The following IL1RAPL2 variants were observed in gnomAD, a reference collection of about 807,000 sequenced individuals.
IL1RAPL2 encodes interleukin 1 receptor accessory protein like 2.
IL1RAPL2 carries 3 observed loss-of-function variants against 44.1 expected under a neutral mutation model. The observed-to-expected ratio is 0.07, with a 90% CI of 0.03 to 0.18. The LOEUF (loss-of-function observed/expected upper bound fraction) is 0.18, where lower values mean the gene tolerates loss of function less well. Among genes scored for constraint, IL1RAPL2 ranks in the 10% least tolerant of loss-of-function variants. The pLI is 1.00. For missense variants in IL1RAPL2, 391 were observed against 496.4 expected, an observed-to-expected ratio of 0.79 and a Z score of 2.02; for synonymous variants, 181 against 178.8, an observed-to-expected ratio of 1.01 and a Z score of -0.10.
intron 1 of IL1RAPL2, among the ~76,000 whole-genome samples, chrX:104,609,561 T>A (rs1281876231): frequency 8.9e-6 from 1 of 112,352 alleles, no homozygotes; most frequent in African/African-American, 3.2e-5. Flanking sequence ...TTCATTCTTT[T>A]TTCTCCAACC....
At position 105,522,117 on chromosome X, in the gene IL1RAPL2, T is replaced by C. The variant is rs190267549; in HGVS notation, c.772+37730T>C. 2.1e-4 allele frequency among the ~76,000 whole-genome samples: 23 copies of C among 111,843 alleles called. No individual in the cohort carries two copies. The Admixed American group carries it at 2.2e-3, about 11-fold the overall frequency. On this transcript the variant is annotated intron_variant, in intron 6 of 10. Coordinates refer to ENST00000372582, the MANE Select transcript of IL1RAPL2 (RefSeq NM_017416.2). ...AGTGAATTTTAATTGAATCCAACCC[T>C]GGACCTCAAGAGTTGGAGGCTTTAT...
Position 104,922,413 on chromosome X carries a change from A to C in IL1RAPL2, c.82+263418A>C, listed in dbSNP as rs139431632. On this transcript the variant is annotated intron_variant, in intron 2 of 10. Transcript: ENST00000372582. ...AATCTAATGTAATCGCTGCTGAAAG[A>C]AGCACACAGTGCTGGGAAATGAGAT... Among the ~76,000 whole-genome samples the C allele has an allele frequency of 6.4e-3, 721 of 112,739 alleles. 2 individuals are homozygous for C. The highest frequency in any genetic ancestry group is 9.3e-3 in the Middle Eastern group (2 of 215).
intron 2 of IL1RAPL2, among the ~76,000 whole-genome samples, chrX:104,816,787 G>T (rs1014375615): frequency 8.9e-6 from 1 of 111,850 alleles, no homozygotes; most frequent in African/African-American, 3.2e-5. Flanking sequence ...ACCCTAAACA[G>T]TTACTTAACC....
intron 1 of IL1RAPL2, among the ~76,000 whole-genome samples, chrX:104,620,147 A>G (rs1338700470): frequency 9.0e-6 from 1 of 111,024 alleles, no homozygotes; most frequent in Admixed American, 9.7e-5. Flanking sequence ...GTGAGGGACA[A>G]TGGGAAACTA....
intron 4 of IL1RAPL2, among the ~76,000 whole-genome samples, chrX:105,261,083 C>T (rs886822712): frequency 9.0e-6 from 1 of 111,307 alleles, no homozygotes; most frequent in Non-Finnish European, 1.9e-5. Context: ...TCTGCCAAGG[C>T]TCCACATAGC....
intron 3 of IL1RAPL2, among the ~76,000 whole-genome samples, chrX:105,206,121 A>G (rs1271119003): frequency 9.0e-6 from 1 of 111,328 alleles, no homozygotes; most frequent in East Asian, 2.8e-4. Context: ...ACTGAGAGAG[A>G]AGACCTGGAG....
chrX:105,381,915 C>T lies in IL1RAPL2; in HGVS notation c.698-102398C>T, dbSNP rs943670995. The stretch of plus-strand genomic sequence containing the variant: ...TGGTGCTGGGAAAACTGGCTAGCCA[C>T]ATGTAGAAAGCTGAAACTGGATCCC... On this transcript the variant is annotated intron_variant, in intron 5 of 10. Transcript: ENST00000372582. Among the ~76,000 whole-genome samples the T allele has an allele frequency of 8.9e-5, 10 of 111,732 alleles. No homozygotes were observed. In the South Asian group the frequency reaches 2.6e-3, roughly 29 times the overall value.
intron 6 of IL1RAPL2, among the ~76,000 whole-genome samples, chrX:105,598,036 C>G (rs141682698): frequency 0.032 from 3,479 of 110,416 alleles, 154 homozygotes; most frequent in African/African-American, 0.11. Context: ...TTTACAATAG[C>G]CAAGATATAA....
rs927064140 is a variant in IL1RAPL2 at position 105,288,257 on chromosome X, T to C, written c.697+20716T>C. Among the ~76,000 whole-genome samples, 3 of 111,098 alleles carry C rather than the reference T, an allele frequency of 2.7e-5. No individual in the cohort carries two copies. In the Admixed American group the frequency reaches 2.9e-4, roughly 11 times the overall value. On this transcript the variant is annotated intron_variant, in intron 5 of 10. Coordinates refer to ENST00000372582, the MANE Select transcript of IL1RAPL2 (RefSeq NM_017416.2). ...GGCTGAGAGTGGAGACAATTCCTGA[T>C]GTCACTGGCTGATTTCAAAATCTTT... is the stretch of plus-strand genomic sequence containing the variant.
Position 104,913,269 on chromosome X carries a change from G to T in IL1RAPL2, c.82+254274G>T, listed in dbSNP as rs778963846. Among the ~76,000 whole-genome samples the T allele has an allele frequency of 6.3e-5, 7 of 110,637 alleles. No homozygotes were observed. In the South Asian group the frequency reaches 1.9e-3, roughly 30 times the overall value. On this transcript the variant is annotated intron_variant, in intron 2 of 10. Transcript: ENST00000372582. The stretch of plus-strand genomic sequence containing the variant: ...AAAATAATTCTTGGAAGGTAATAAG[G>T]TCTGGTAGTTGCTTTCGATTTTCTA...
chrX:105,220,489 A>C (rs6621945), intron 3 of IL1RAPL2: 2 of 842,147 alleles, frequency 2.4e-6, no homozygotes, highest in African/African-American at 4.3e-5. Context: ...CCCCTCATCC[A>C]TCTTCTCCCG....
At chrX:105,459,815 C>G (rs1221094250) in intron 5 of IL1RAPL2, among the ~76,000 whole-genome samples, 1 of 111,398 alleles carries the variant, frequency 9.0e-6, no homozygotes, top group Non-Finnish European at 1.9e-5. Context: ...GCTACCCTAG[C>G]TGGGATCATT....
chrX:104,884,145 G>A (rs1017094551), intron 2 of IL1RAPL2, among the ~76,000 whole-genome samples: 5 of 111,038 alleles, frequency 4.5e-5, no homozygotes, highest in African/African-American at 1.6e-4. Context: ...ATTGGTAAGG[G>A]CCACTAAATC....
At chrX:105,018,125 G>T (rs1475572370) in intron 2 of IL1RAPL2, among the ~76,000 whole-genome samples, 3 of 111,159 alleles carry the variant, frequency 2.7e-5, no homozygotes, top group Non-Finnish European at 5.7e-5. Flanking sequence ...AGACTGGAAG[G>T]GTTAAAATAC....
intron 2 of IL1RAPL2, among the ~76,000 whole-genome samples, chrX:105,117,324 AC>A (rs1374693381): frequency 9.0e-6 from 1 of 111,719 alleles, no homozygotes; most frequent in Non-Finnish European, 1.9e-5. Context: ...TGGGTTTTTG[AC>A]TTTTTTGGGG....
chrX:105,063,407 T>TA (rs754830876), intron 2 of IL1RAPL2, among the ~76,000 whole-genome samples: 31 of 112,374 alleles, frequency 2.8e-4, no homozygotes, highest in African/African-American at 8.7e-4. Flanking sequence ...GATTGGTCCC[T>TA]AGTGCCTTAT....
intron 5 of IL1RAPL2, among the ~76,000 whole-genome samples, chrX:105,283,780 C>T (rs1415685109): frequency 9.0e-6 from 1 of 110,761 alleles, no homozygotes; most frequent in African/African-American, 3.3e-5. Flanking sequence ...AAATTTGGAG[C>T]TGTCTGTATG....
chrX:105,228,843 G>A (rs190504991), intron 3 of IL1RAPL2, among the ~76,000 whole-genome samples: 1 of 112,052 alleles, frequency 8.9e-6, no homozygotes, highest in South Asian at 3.7e-4. Flanking sequence ...GCTTGACAAA[G>A]TTCTTTGTCC....
At chrX:104,589,201 A>G (rs1285304627) in intron 1 of IL1RAPL2, among the ~76,000 whole-genome samples, 16 of 111,857 alleles carry the variant, frequency 1.4e-4, no homozygotes, top group African/African-American at 5.2e-4. Flanking sequence ...AGGGGAGTTC[A>G]TTAAGCAGTA....
Sources: gnomAD v4.1 joint callset for allele counts (sites outside exome capture counted in the v4.1 genomes callset) on GRCh38, gnomAD v4.1.1 for gene constraint, MANE v1.5 for transcripts, NCBI Gene and HGNC (gene_info 2026-07-23, HGNC 2026-07-21) for gene names.